Variants in LTA4H observed in about 807,000 individuals in gnomAD.
LTA4H encodes leukotriene A-4 hydrolase.
Under a neutral mutation model 89.8 loss-of-function variants are expected in LTA4H, and 59 were observed. The ratio of observed to expected loss-of-function variants is 0.66; its 90% CI spans 0.53 to 0.82. The LOEUF (loss-of-function observed/expected upper bound fraction) is 0.82, where lower values mean the gene tolerates loss of function less well. Among genes scored for constraint, LTA4H ranks in the 40% least tolerant of loss-of-function variants. The probability of loss-of-function intolerance (pLI) is 0.00; values close to 1 mark genes in which losing one functional copy is unlikely to be tolerated. For missense variants in LTA4H, 617 were observed against 727.0 expected, an observed-to-expected ratio of 0.85 and a Z score of 1.74; for synonymous variants, 227 against 253.1, an observed-to-expected ratio of 0.90 and a Z score of 0.98.
Position 96,013,170 on chromosome 12 carries a change from TA to T in LTA4H, c.1379+17del. 1 of 1,599,616 alleles carries T rather than the reference TA, an allele frequency of 6.3e-7. No individual in the cohort carries two copies. The highest frequency in any genetic ancestry group is 8.6e-7 in the Non-Finnish European group (1 of 1,166,966). On this transcript the variant is annotated intron_variant, in intron 14 of 18. Transcript: ENST00000228740. ...GTTAGGAGAATGAGAAGGAAAGCAT[TA>T]GCAGGCAAGTACTTACTTGGGCTTT...
chr12:96,017,133 TTAATAG>T lies in LTA4H; in HGVS notation c.877-25_877-20del. The T allele has an allele frequency of 1.3e-6, 2 of 1,531,156 alleles. No homozygotes were observed. The highest frequency in any genetic ancestry group is 2.7e-5 in the African/African-American group (2 of 73,420). 94.8% of individuals were successfully genotyped at this position (1,531,156 alleles called of 1,614,324 possible). A position where few individuals can be genotyped will look rare whatever the true frequency, so the allele number is the denominator to read the frequency against. Reference sequence around the variant, plus strand: ...CAATGACCTAAAGAAAACAGTGTGATTAATAGTAAGACTGATTATCTTAACCTAAAA... The same window carrying T: ...CAATGACCTAAAGAAAACAGTGTGATTAAGACTGATTATCTTAACCTAAAA... On this transcript the variant is annotated intron_variant, in intron 9 of 18. Coordinates refer to ENST00000228740, the MANE Select transcript of LTA4H (RefSeq NM_000895.3).
In LTA4H at chr12:96,007,481, C is replaced by T. The variant is rs541830318; in HGVS notation, c.1435-1072G>A. Among the ~76,000 whole-genome samples the T allele has an allele frequency of 9.2e-5, 14 of 152,248 alleles. No homozygotes were observed. The East Asian group carries it at 1.5e-3, about 17-fold the overall frequency. ...ATGGGGAGGGATGCTACAGAGGTAC[C>T]GCTAAGATTTTACTTCTTATGCTAG... On this transcript the variant is annotated intron_variant, in intron 15 of 18. Transcript: ENST00000228740.
upstream of LTA4H, among the ~76,000 whole-genome samples, chr12:96,036,088 G>A (rs924800157): frequency 1.3e-5 from 2 of 151,516 alleles, no homozygotes; most frequent in South Asian, 2.1e-4. Context: ...TTCCCCGACG[G>A]GGAGGCACAG....
At position 96,022,715 on chromosome 12, in the gene LTA4H, A is replaced by G. The variant is rs954441739; in HGVS notation, c.481-464T>C. Among the ~76,000 whole-genome samples the G allele has an allele frequency of 1.3e-5, 2 of 152,184 alleles. No homozygotes were observed. The highest frequency in any genetic ancestry group is 2.9e-5 in the Non-Finnish European group (2 of 68,026). ...ATAACCCCCGAGCCTCAGTTTCCCC[A>G]TCAAGTAAGTGTAAAACTTCAAAGG... On this transcript the variant is annotated intron_variant, in intron 4 of 18. Coordinates refer to ENST00000228740, the MANE Select transcript of LTA4H (RefSeq NM_000895.3). This position sits in a 1 kb window ranked among gnomAD's most constrained non-coding sequence, Gnocchi z 4.0.
chr12:96,032,910 A>G (rs966024574), intron 1 of LTA4H, among the ~76,000 whole-genome samples: 1 of 152,182 alleles, frequency 6.6e-6, no homozygotes, highest in Admixed American at 6.5e-5. Context: ...TGATGAGAAC[A>G]CATGGATACA....
chr12:96,027,415 A>G (rs1181600661), intron 3 of LTA4H, 29 bp downstream of exon 3: 2 of 1,549,292 alleles, frequency 1.3e-6, no homozygotes, highest in Non-Finnish European at 1.7e-6. Context: ...AATTTTCTGC[A>G]TCAGAAATCA....
intron 5 of LTA4H, among the ~76,000 whole-genome samples, chr12:96,021,374 A>C (rs1327732510): frequency 6.6e-6 from 1 of 152,222 alleles, no homozygotes; most frequent in East Asian, 1.9e-4. Context: ...TAGGAACAAA[A>C]GCTTCTCACA....
intron 3 of LTA4H, among the ~76,000 whole-genome samples, chr12:96,025,864 C>G (rs1950508225): frequency 6.6e-6 from 1 of 151,926 alleles, no homozygotes; most frequent in African/African-American, 2.4e-5. Flanking sequence ...AATCTTATAC[C>G]CGGTCTGTTT....
intron 6 of LTA4H, 63 bp from the exon 7 acceptor site, chr12:96,019,303 A>C: frequency 7.1e-7 from 1 of 1,402,124 alleles, no homozygotes; most frequent in Non-Finnish European, 1.0e-6. Context: ...TGGTTCTAAA[A>C]AGTAGTTAAT....
chr12:96,020,943 A>G (rs1950445305), intron 6 of LTA4H, 142 bp downstream of exon 6: 1 of 662,286 alleles, frequency 1.5e-6, no homozygotes, highest in Non-Finnish European at 2.6e-6. Flanking sequence ...TGTTGCCTAC[A>G]TTTTAGATTT....
intron 17 of LTA4H, 81 bp downstream of exon 17, chr12:96,003,757 T>C: frequency 1.1e-6 from 1 of 895,418 alleles, no homozygotes; most frequent in Non-Finnish European, 1.8e-6. Context: ...GTATGTCTCA[T>C]ACTCTGCATT....
chr12:96,013,369 GATA>G (rs1950332897), intron 13 of LTA4H, 111 bp from the exon 14 acceptor site: 2 of 627,430 alleles, frequency 3.2e-6, no homozygotes, highest in Non-Finnish European at 5.7e-6. Flanking sequence ...GCTATATCAA[GATA>G]ATTTCTAAAT....
rs753010071 is a variant in LTA4H, at chr12:96,017,506, T to C, written c.876+51A>G. 4 of 1,492,702 alleles carry C rather than the reference T, an allele frequency of 2.7e-6. No homozygotes were observed. In the South Asian group the frequency reaches 4.6e-5, roughly 17 times the overall value. The allele number at this position is 1,492,702 out of a possible 1,614,324, so 92.5% of individuals were successfully genotyped here. On this transcript the variant is annotated intron_variant, in intron 9 of 18. Transcript: ENST00000228740. ...AATACAAGGGATATTTTAAAATCAG[T>C]TGACGTAATACTTCTTGAAGGTAAG...
At position 96,018,800 on chromosome 12, in the gene LTA4H, T is replaced by G. The variant is rs754046037; in HGVS notation, c.815A>C (p.Glu272Ala). The change falls in exon 8 of 19, where the codon GAG (glutamate) becomes GCG (alanine). Residue 272 changes from glutamate to alanine, a missense_variant. By Grantham distance (107) the Glu-to-Ala change is moderately radical (BLOSUM62 -1). This residue lies in a region of LTA4H where 172 missense variants were observed against 244.5 expected (regional missense o/e 0.70). Transcript: ENST00000228740. Reference protein sequence around the residue: ...LPPSFPYGGMENPCLTFVTPT... With the variant: ...LPPSFPYGGMANPCLTFVTPT... Reference sequence around the variant, plus strand: ...AGTTACAAAAGTAAGGCAAGGATTCTCCATGCCACCATAAGGGAAGGATGG... The same window carrying G: ...AGTTACAAAAGTAAGGCAAGGATTCGCCATGCCACCATAAGGGAAGGATGG... 21 of 1,597,306 alleles carry G rather than the reference T, an allele frequency of 1.3e-5. No individual in the cohort carries two copies. The highest frequency in any genetic ancestry group is 1.8e-5 in the Non-Finnish European group (21 of 1,174,300).
Position 96,019,152 on chromosome 12 carries a change from T to A in LTA4H, c.711+16A>T. On this transcript the variant is annotated intron_variant, in intron 7 of 18. Transcript: ENST00000228740. The stretch of plus-strand genomic sequence containing the variant: ...TGTCTATCACAATGATTACAAAGGA[T>A]AACTAAATGACCAACCTCAGAAAAC... The A allele has an allele frequency of 6.2e-7, 1 of 1,603,574 alleles. No homozygotes were observed. Among genetic ancestry groups the A allele is most frequent in the Non-Finnish European group, 8.5e-7 (1 of 1,174,656 alleles).
At chr12:96,042,400 A>C (rs1435961506) in intron 1 of LTA4H, among the ~76,000 whole-genome samples, 2 of 152,116 alleles carry the variant, frequency 1.3e-5, no homozygotes, top group African/African-American at 2.4e-5. Context: ...AAAGCCCACC[A>C]AGAGTTTTGC....
At position 96,022,639 on chromosome 12, in the gene LTA4H, A is replaced by G. The variant is rs1046389176; in HGVS notation, c.481-388T>C. Among the ~76,000 whole-genome samples the G allele has an allele frequency of 2.0e-5, 3 of 152,186 alleles. No individual in the cohort carries two copies. Among genetic ancestry groups the G allele is most frequent in the Admixed American group, 6.5e-5 (1 of 15,278 alleles). Reference sequence around the variant, plus strand: ...GAGTTTTGGTAGAAACTGGATTAAAATCCCAGCTCTGCCACCTAATAACTA... The same window carrying G: ...GAGTTTTGGTAGAAACTGGATTAAAGTCCCAGCTCTGCCACCTAATAACTA... On this transcript the variant is annotated intron_variant, in intron 4 of 18. Transcript: ENST00000228740. This position sits in a 1 kb window ranked among gnomAD's most constrained non-coding sequence, Gnocchi z 4.0.
intron 1 of LTA4H, among the ~76,000 whole-genome samples, chr12:96,029,787 C>G (rs1191490723): frequency 1.3e-5 from 2 of 152,102 alleles, no homozygotes; most frequent in African/African-American, 4.8e-5. Flanking sequence ...TATTTTCTAT[C>G]CCCAAAATCC....
intron 2 of LTA4H, 43 bp from the exon 3 acceptor site, chr12:96,027,607 C>T (rs371329454): frequency 2.4e-5 from 33 of 1,347,708 alleles, no homozygotes; most frequent in Admixed American, 6.2e-5. Flanking sequence ...ATGATTCCAT[C>T]TAGTGAAAAT....
Sources: gnomAD v4.1 joint callset for allele counts (sites outside exome capture counted in the v4.1 genomes callset) on GRCh38, gnomAD v4.1.1 for gene constraint, gnomAD v4.1.1 regional missense constraint, Gnocchi (gnomAD v3.1) non-coding constraint, MANE v1.5 for transcripts, NCBI Gene and HGNC (gene_info 2026-07-23, HGNC 2026-07-21) for gene names.